The following CACNA1E variants were observed in gnomAD, a reference collection of about 807,000 sequenced individuals.
CACNA1E encodes voltage-dependent R-type calcium channel subunit alpha-1E.
Under a neutral mutation model 259.2 loss-of-function variants are expected in CACNA1E, and 40 were observed. That is an observed-to-expected ratio of 0.15 (90% confidence interval 0.12 to 0.20). The LOEUF is 0.20. Ranked by LOEUF, CACNA1E falls within the 10% of genes least tolerant of loss-of-function variation. The pLI is 1.00. For missense variants in CACNA1E, 1,874 were observed against 3,040.1 expected, an observed-to-expected ratio of 0.62 and a Z score of 9.02; for synonymous variants, 1,104 against 1,138.5, an observed-to-expected ratio of 0.97 and a Z score of 0.61.
chr1:181,702,162 C>G (rs1652331611), intron 7 of CACNA1E, among the ~76,000 whole-genome samples: 1 of 152,098 alleles, frequency 6.6e-6, no homozygotes, highest in Non-Finnish European at 1.5e-5. Flanking sequence ...CTTCCCAAAC[C>G]TGCTCCATTA....
At chr1:181,363,550 G>A (rs1654047064) in intron 1 of CACNA1E, among the ~76,000 whole-genome samples, 1 of 152,170 alleles carries the variant, frequency 6.6e-6, no homozygotes. Flanking sequence ...CAACAAGTAG[G>A]GGTGCAATTT....
intron 7 of CACNA1E, 75 bp from the exon 8 acceptor site, chr1:181,710,879 C>G: frequency 9.6e-7 from 1 of 1,044,816 alleles, no homozygotes. Flanking sequence ...TGCTCTCTCT[C>G]TGTTGCTTGA....
intron 11 of CACNA1E, 121 bp downstream of exon 11, chr1:181,717,423 G>A (rs1367321301): frequency 3.9e-6 from 3 of 767,992 alleles, no homozygotes; most frequent in African/African-American, 3.4e-5. Flanking sequence ...TTCACGCTGT[G>A]AGGGAGGCCA....
At chr1:181,415,702 T>G (rs958535181) in intron 2 of CACNA1E, among the ~76,000 whole-genome samples, 2 of 152,060 alleles carry the variant, frequency 1.3e-5, no homozygotes, top group African/African-American at 4.8e-5. Context: ...AGTAGCCCAG[T>G]TGGAGTGGGT....
In CACNA1E at chr1:181,798,993, C is replaced by A; in HGVS notation, c.*159C>A. ...GAGGAAGTAAAGGACAATCAGAACA[C>A]CAGTCAAACCCACCAAATTGCTTTA... On this transcript the variant is annotated 3_prime_UTR_variant, in exon 48 of 48. Transcript: ENST00000367573. The surrounding 1 kb of genome is among the most constrained non-coding windows in gnomAD (Gnocchi z 4.2). 1 of 602,358 alleles carries A rather than the reference C, an allele frequency of 1.7e-6. No homozygotes were observed. Among genetic ancestry groups the A allele is most frequent in the Non-Finnish European group, 2.6e-6 (1 of 377,364 alleles). The allele number at this position is 602,358 out of a possible 1,614,324, so 37.3% of individuals were successfully genotyped here.
At chr1:181,364,350 C>T (rs1654108355) in intron 1 of CACNA1E, among the ~76,000 whole-genome samples, 1 of 152,150 alleles carries the variant, frequency 6.6e-6, no homozygotes, top group Admixed American at 6.5e-5. Flanking sequence ...GTCTCTTGTC[C>T]TTAGAATGTG....
intron 6 of CACNA1E, among the ~76,000 whole-genome samples, chr1:181,598,525 G>T (rs1178390825): frequency 6.6e-6 from 1 of 152,164 alleles, no homozygotes; most frequent in East Asian, 1.9e-4. Flanking sequence ...CAATAAAGGA[G>T]TTGGGGTGGA....
intron 6 of CACNA1E, among the ~76,000 whole-genome samples, chr1:181,612,865 A>C (rs1654873809): frequency 1.3e-5 from 2 of 152,120 alleles, no homozygotes; most frequent in Non-Finnish European, 2.9e-5. Flanking sequence ...TATTTTCTAG[A>C]AGTTTTATTG....
chr1:181,455,945 AGGAACTGGT>A (rs1433095918), intron 2 of CACNA1E, among the ~76,000 whole-genome samples: 1 of 152,146 alleles, frequency 6.6e-6, no homozygotes, highest in Admixed American at 6.5e-5. Context: ...GTGGAGAGGG[AGGAACTGGT>A]GGCCTATGCC....
chr1:181,798,423 A>G lies in CACNA1E; in HGVS notation c.6531A>G (p.Arg2177=). The change falls in exon 48 of 48, where the codon CGA becomes CGG. Residue 2177 remains arginine, a synonymous_variant. Transcript: ENST00000367573. The surrounding 1 kb of genome is among the most constrained non-coding windows in gnomAD (Gnocchi z 4.2). Reference sequence around the variant, plus strand: ...TCCTTTCCTACAGCTCCCTGATTCGACACGCGGGCAGCATCTCTCCACCTG... The same window carrying G: ...TCCTTTCCTACAGCTCCCTGATTCGGCACGCGGGCAGCATCTCTCCACCTG... The part of the protein sequence containing the change: ...RPLLSYSSLI[R]HAGSISPPAD... 1 of 1,613,636 alleles carries G rather than the reference A, an allele frequency of 6.2e-7. No homozygotes were observed. The highest frequency in any genetic ancestry group is 8.5e-7 in the Non-Finnish European group (1 of 1,179,858).
intron 2 of CACNA1E, among the ~76,000 whole-genome samples, chr1:181,467,214 G>C (rs1662206601): frequency 6.6e-6 from 1 of 152,234 alleles, no homozygotes; most frequent in Non-Finnish European, 1.5e-5. Context: ...TCAAATTCTA[G>C]TGAAGACAAA....
intron 7 of CACNA1E, among the ~76,000 whole-genome samples, chr1:181,704,988 C>G (rs1046813679): frequency 2.0e-5 from 3 of 152,140 alleles, no homozygotes; most frequent in South Asian, 4.1e-4. Context: ...TGGAGCTAGG[C>G]TTTCATCAAC....
intron 1 of CACNA1E, among the ~76,000 whole-genome samples, chr1:181,395,350 G>C (rs1656596658): frequency 1.3e-5 from 2 of 152,150 alleles, no homozygotes. Context: ...GGAAAAGTTA[G>C]GAGTTCACAC....
chr1:181,633,243 C>T (rs982027070), intron 6 of CACNA1E, among the ~76,000 whole-genome samples: 1 of 152,032 alleles, frequency 6.6e-6, no homozygotes, highest in Non-Finnish European at 1.5e-5. Context: ...AGAGTGTCTG[C>T]CCTGAAAGCA....
intron 1 of CACNA1E, among the ~76,000 whole-genome samples, chr1:181,381,948 T>G (rs1655486524): frequency 1.3e-5 from 2 of 151,832 alleles, no homozygotes; most frequent in African/African-American, 4.8e-5. Context: ...TGCAGAGAGG[T>G]GAATGCTACC....
chr1:181,347,120 A>C (rs1207081244), intron 1 of CACNA1E, among the ~76,000 whole-genome samples: 1 of 152,156 alleles, frequency 6.6e-6, no homozygotes, highest in Non-Finnish European at 1.5e-5. Flanking sequence ...TCCTGCATTC[A>C]GATCCCGTGC....
At chr1:181,797,757 C>T (rs930054080) in intron 47 of CACNA1E, among the ~76,000 whole-genome samples, 20 of 152,186 alleles carry the variant, frequency 1.3e-4, no homozygotes, top group African/African-American at 3.4e-4. Context: ...GCAAGTATGG[C>T]CTGAGCCAAC....
intron 6 of CACNA1E, among the ~76,000 whole-genome samples, chr1:181,582,449 G>A (rs944350262): frequency 6.6e-6 from 1 of 152,232 alleles, no homozygotes; most frequent in Non-Finnish European, 1.5e-5. Flanking sequence ...GTGTCACATG[G>A]AGGGCTTTGA....
At chr1:181,771,714 C>G (rs1437617935) in intron 36 of CACNA1E, 1 of 461,294 alleles carries the variant, frequency 2.2e-6, no homozygotes, top group Non-Finnish European at 3.9e-6. Flanking sequence ...TTCAACATGG[C>G]CTGCAAGGGT....
Sources: gnomAD v4.1 joint callset for allele counts (sites outside exome capture counted in the v4.1 genomes callset) on GRCh38, gnomAD v4.1.1 for gene constraint, Gnocchi (gnomAD v3.1) non-coding constraint, MANE v1.5 for transcripts, NCBI Gene and HGNC (gene_info 2026-07-23, HGNC 2026-07-21) for gene names.